The following ANKS1B variants were observed in gnomAD, a reference collection of about 807,000 sequenced individuals.
The protein encoded by ANKS1B is ankyrin repeat and sterile alpha motif domain containing 1B.
A neutral mutation model predicts 148.3 loss-of-function variants in ANKS1B; 36 were observed. The observed-to-expected ratio is 0.24, with a 90% CI of 0.19 to 0.32. The LOEUF (loss-of-function observed/expected upper bound fraction) is 0.32. Ranked by LOEUF, ANKS1B falls within the 10% of genes least tolerant of loss-of-function variation. ANKS1B has a pLI of 1.00. For synonymous variants in ANKS1B, 542 were observed against 560.8 expected (o/e 0.97, Z 0.47); for missense variants, 1,157 against 1,542.6 (o/e 0.75, Z 4.19).
At chr12:99,163,842 G>C (rs1289749899) in intron 14 of ANKS1B, among the ~76,000 whole-genome samples, 1 of 152,120 alleles carries the variant, frequency 6.6e-6, no homozygotes, top group African/African-American at 2.4e-5. Context: ...TGATATGGAT[G>C]TACCGCACCA....
At chr12:99,353,707 C>T (rs930675109) in intron 12 of ANKS1B, among the ~76,000 whole-genome samples, 8 of 151,940 alleles carry the variant, frequency 5.3e-5, no homozygotes, top group Admixed American at 2.0e-4. Context: ...GATCATGTCC[C>T]ATCCATTTCC....
chr12:99,347,592 C>T (rs2090881322), intron 12 of ANKS1B, among the ~76,000 whole-genome samples: 2 of 151,954 alleles, frequency 1.3e-5, no homozygotes, highest in South Asian at 4.1e-4. Context: ...TTTGTCAAAT[C>T]ACTAGCTGAC....
intron 15 of ANKS1B, among the ~76,000 whole-genome samples, chr12:99,133,260 T>C (rs10860395): frequency 0.25 from 37,750 of 151,444 alleles, 5,954 homozygotes; most frequent in African/African-American, 0.44. Flanking sequence ...ACCATGTTGG[T>C]CAGGCTGGTC....
intron 11 of ANKS1B, among the ~76,000 whole-genome samples, chr12:99,402,400 A>AGAT (rs2094429000): frequency 6.9e-6 from 1 of 145,720 alleles, no homozygotes. Flanking sequence ...TTTGTTTAAC[A>AGAT]GATTATTTTA....
intron 12 of ANKS1B, among the ~76,000 whole-genome samples, chr12:99,383,598 A>T (rs1187087333): frequency 6.6e-6 from 1 of 152,202 alleles, no homozygotes; most frequent in African/African-American, 2.4e-5. Flanking sequence ...AGGTTTTGAC[A>T]AAAATATTAC....
intron 17 of ANKS1B, among the ~76,000 whole-genome samples, chr12:99,038,181 C>G (rs1485867329): frequency 6.6e-6 from 1 of 152,130 alleles, no homozygotes; most frequent in Non-Finnish European, 1.5e-5. Context: ...TTCTATGTAT[C>G]ATTGCTTCTG....
intron 17 of ANKS1B, among the ~76,000 whole-genome samples, chr12:99,011,448 T>G (rs1054531565): frequency 6.6e-6 from 1 of 152,038 alleles, no homozygotes; most frequent in African/African-American, 2.4e-5. Context: ...GTTGAAGGAG[T>G]GCTAAGATTA....
Position 99,731,050 on chromosome 12 carries a change from C to T in ANKS1B, c.1128+41872G>A, listed in dbSNP as rs572049308. Among the ~76,000 whole-genome samples, 4 of 152,288 alleles carry T rather than the reference C, an allele frequency of 2.6e-5. No individual in the cohort carries two copies. The South Asian group carries it at 8.3e-4, about 32-fold the overall frequency. ...CTCCCAGGCTCAAGTGATTCTCCTG[C>T]CTCAGCCTCCCTCCCAAATAGCTGG... is the stretch of plus-strand genomic sequence containing the variant. On this transcript the variant is annotated intron_variant, in intron 8 of 26. Coordinates refer to ENST00000683438, the MANE Select transcript of ANKS1B (RefSeq NM_001352186.2).
At chr12:98,786,325 T>C (rs1284901384) in intron 22 of ANKS1B, among the ~76,000 whole-genome samples, 1 of 152,230 alleles carries the variant, frequency 6.6e-6, no homozygotes, top group African/African-American at 2.4e-5. Flanking sequence ...TGAGTTTATA[T>C]TGTCTATAAC....
chr12:99,531,367 TCC>T (rs2096988446), intron 9 of ANKS1B, among the ~76,000 whole-genome samples: 1 of 152,038 alleles, frequency 6.6e-6, no homozygotes, highest in Non-Finnish European at 1.5e-5. Flanking sequence ...CTCCCAACTC[TCC>T]CCCCTTCTGA....
chr12:99,703,485 C>T (rs1312170451), intron 8 of ANKS1B, among the ~76,000 whole-genome samples: 1 of 152,142 alleles, frequency 6.6e-6, no homozygotes, highest in Non-Finnish European at 1.5e-5. Context: ...CCTTTCTTTA[C>T]GTTTCAGTAT....
chr12:99,605,193 AT>A (rs900749553), intron 9 of ANKS1B, among the ~76,000 whole-genome samples: 1 of 152,066 alleles, frequency 6.6e-6, no homozygotes, highest in Non-Finnish European at 1.5e-5. Context: ...TTTCATAAAC[AT>A]TTTTTAAACT....
chr12:98,773,951 G>A (rs764914253), intron 24 of ANKS1B, among the ~76,000 whole-genome samples: 4 of 152,120 alleles, frequency 2.6e-5, no homozygotes, highest in Non-Finnish European at 4.4e-5. Context: ...TTGTTCTTGT[G>A]TCCTGCTCCT....
intron 9 of ANKS1B, among the ~76,000 whole-genome samples, chr12:99,535,085 A>G (rs1478549378): frequency 6.6e-6 from 1 of 152,194 alleles, no homozygotes; most frequent in Non-Finnish European, 1.5e-5. Context: ...TCTGGCTTTA[A>G]TAACCAACCA....
At chr12:99,790,883 G>A (rs940170187) in intron 4 of ANKS1B, among the ~76,000 whole-genome samples, 3 of 151,614 alleles carry the variant, frequency 2.0e-5, no homozygotes, top group Admixed American at 6.6e-5. Context: ...AAAAGAGAGC[G>A]AGAGAAAAAA....
chr12:99,696,283 T>C (rs1401845102), intron 8 of ANKS1B, among the ~76,000 whole-genome samples: 2 of 152,324 alleles, frequency 1.3e-5, no homozygotes, highest in East Asian at 1.9e-4. Context: ...GTCTACGATA[T>C]ATTGTTAAGT....
chr12:99,089,351 C>T (rs569531853), intron 15 of ANKS1B, among the ~76,000 whole-genome samples: 12 of 152,256 alleles, frequency 7.9e-5, no homozygotes, highest in African/African-American at 2.6e-4. Context: ...CTGTTCCCCC[C>T]CATCAACTCC....
chr12:98,988,436 C>T (rs2099924698), intron 17 of ANKS1B, among the ~76,000 whole-genome samples: 1 of 152,066 alleles, frequency 6.6e-6, no homozygotes, highest in East Asian at 1.9e-4. Flanking sequence ...GACAGGATTT[C>T]CCTTATTTTT....
At chr12:98,741,143 C>T (rs113468338), downstream of ANKS1B, among the ~76,000 whole-genome samples, 150 of 152,330 alleles carry the variant, frequency 9.8e-4, 2 homozygotes, top group African/African-American at 3.4e-3. Context: ...GCTACTAGTT[C>T]TTTAGTTCAA....
Sources: allele counts gnomAD v4.1 joint callset (sites outside exome capture counted in the v4.1 genomes callset), GRCh38; gene constraint gnomAD v4.1.1; transcripts MANE v1.5; gene names NCBI Gene and HGNC (gene_info 2026-07-23, HGNC 2026-07-21).